The following ADGRV1 variants were observed in gnomAD, a reference collection of about 807,000 sequenced individuals.
ADGRV1 encodes the protein adhesion G protein-coupled receptor V1, also known as G-protein coupled receptor 98.
A neutral mutation model predicts 596.2 loss-of-function variants in ADGRV1; 359 were observed. That is an observed-to-expected ratio of 0.60 (90% CI 0.55 to 0.66). The LOEUF (loss-of-function observed/expected upper bound fraction) is 0.66, where lower values mean the gene tolerates loss of function less well. Among genes scored for constraint, ADGRV1 ranks in the 30% least tolerant of loss-of-function variants. ADGRV1 has a pLI of 0.00. For synonymous variants in ADGRV1, 2,681 were observed against 2,679.2 expected (o/e 1.00, Z -0.02); for missense variants, 7,274 against 7,575.6 (o/e 0.96, Z 1.48).
intron 45 of ADGRV1, among the ~76,000 whole-genome samples, chr5:90,722,826 T>C (rs1018271680): frequency 5.5e-5 from 8 of 144,406 alleles, no homozygotes; most frequent in African/African-American, 1.8e-4. Context: ...TGGAAATTGA[T>C]GTAATAATCT....
chr5:90,569,006 A>G (rs1580295857), intron 1 of ADGRV1, among the ~76,000 whole-genome samples: 1 of 152,192 alleles, frequency 6.6e-6, no homozygotes, highest in Admixed American at 6.5e-5. Flanking sequence ...TGGAGGCTGG[A>G]AAGTCCAAGA....
chr5:90,817,619 G>A (rs1198019151), intron 75 of ADGRV1, among the ~76,000 whole-genome samples: 3 of 150,960 alleles, frequency 2.0e-5, no homozygotes, highest in African/African-American at 7.3e-5. Flanking sequence ...TCCAGTTTCA[G>A]CTTTCTACAT....
Position 90,716,609 on chromosome 5 carries a change from A to G in ADGRV1, c.9327A>G (p.Gln3109=). ...TGTACATTGTTCGGGAACCTGCACA[A>G]GGATTGTTTGGAACAGTGACAGTTC... The part of the protein sequence containing the change: ...AVLYIVREPA[Q]GLFGTVTVQF... Residue 3109 remains glutamine (Q), a synonymous_variant, in exon 43 of 90, where the codon CAA becomes CAG. Coordinates refer to ENST00000405460, the MANE Select transcript of ADGRV1 (RefSeq NM_032119.4). 3 of 1,613,898 alleles carry G rather than the reference A, an allele frequency of 1.9e-6. No individual in the cohort carries two copies. Among genetic ancestry groups the G allele is most frequent in the Non-Finnish European group, 2.5e-6 (3 of 1,179,812 alleles).
At chr5:91,022,574 C>A (rs998788) in intron 85 of ADGRV1, among the ~76,000 whole-genome samples, 95,047 of 151,918 alleles carry the variant, frequency 0.63, 29,773 homozygotes, top group Admixed American at 0.64. Context: ...GTTCTAGATA[C>A]ATTTGTAGTC....
chr5:90,856,563 A>G (rs942925105), intron 82 of ADGRV1, among the ~76,000 whole-genome samples: 1 of 152,120 alleles, frequency 6.6e-6, no homozygotes, highest in African/African-American at 2.4e-5. Context: ...ATAATTCTAT[A>G]CCCCACCCTC....
chr5:91,071,406 A>C (rs1450355995), intron 85 of ADGRV1, among the ~76,000 whole-genome samples: 3 of 152,102 alleles, frequency 2.0e-5, no homozygotes, highest in African/African-American at 7.2e-5. Context: ...TCCACCAACT[A>C]ATTTGAAACA....
intron 1 of ADGRV1, among the ~76,000 whole-genome samples, chr5:90,612,781 T>C (rs1427212412): frequency 1.3e-5 from 2 of 152,190 alleles, no homozygotes; most frequent in East Asian, 1.9e-4. Flanking sequence ...TTCGCACATA[T>C]AGCATTGAAA....
At chr5:90,985,607 AC>A in intron 85 of ADGRV1, 85 bp downstream of exon 85, 1 of 961,772 alleles carries the variant, frequency 1.0e-6, no homozygotes, top group Non-Finnish European at 1.6e-6. Context: ...TTGAATAAGT[AC>A]CAGGAAGATC....
At chr5:90,808,145 C>CT (rs1762085628) in intron 73 of ADGRV1, among the ~76,000 whole-genome samples, 1 of 152,182 alleles carries the variant, frequency 6.6e-6, no homozygotes. Flanking sequence ...ACCAGTGGCC[C>CT]TTTGACTTTA....
intron 85 of ADGRV1, among the ~76,000 whole-genome samples, chr5:91,028,732 G>GTTTTTTTTTTTTTTTTTTTTTTTT: frequency 1.0e-5 from 1 of 95,912 alleles, no homozygotes; most frequent in Non-Finnish European, 1.9e-5. Flanking sequence ...ACTAGACTCT[G>GTTTTTTTTTTTTTTTTTTTTTTTT]TTTTTTTTTT....
At chr5:90,668,713 A>G (rs1580672611) in intron 21 of ADGRV1, among the ~76,000 whole-genome samples, 1 of 152,146 alleles carries the variant, frequency 6.6e-6, no homozygotes, top group Non-Finnish European at 1.5e-5. Context: ...ATTGTACAAA[A>G]TATTCATTAA....
chr5:90,780,699 T>C (rs911831488), intron 64 of ADGRV1, among the ~76,000 whole-genome samples: 1 of 152,148 alleles, frequency 6.6e-6, no homozygotes, highest in Non-Finnish European at 1.5e-5. Flanking sequence ...TTTCTTTTTC[T>C]TTCTTTCCCT....
At chr5:91,160,303 T>A (rs1199233606) in intron 89 of ADGRV1, among the ~76,000 whole-genome samples, 2 of 152,112 alleles carry the variant, frequency 1.3e-5, no homozygotes, top group Non-Finnish European at 2.9e-5. Flanking sequence ...TGCAGCCCAG[T>A]GTAGTAAACA....
At chr5:90,936,453 G>A (rs1775697792) in intron 83 of ADGRV1, among the ~76,000 whole-genome samples, 1 of 151,848 alleles carries the variant, frequency 6.6e-6, no homozygotes, top group South Asian at 2.1e-4. Context: ...TAAAATGCGT[G>A]CCTTTTTTCT....
intron 85 of ADGRV1, among the ~76,000 whole-genome samples, chr5:91,012,315 A>G (rs1012243104): frequency 6.6e-6 from 1 of 151,968 alleles, no homozygotes; most frequent in Non-Finnish European, 1.5e-5. Context: ...TCCCCATTGA[A>G]CAACTTACGC....
At chr5:90,733,635 G>A (rs1408583864) in intron 50 of ADGRV1, among the ~76,000 whole-genome samples, 1 of 151,964 alleles carries the variant, frequency 6.6e-6, no homozygotes, top group African/African-American at 2.4e-5. Flanking sequence ...GGTTATTTAT[G>A]TCTAACTTTT....
chr5:90,745,077 T>C lies in ADGRV1; in HGVS notation c.10581T>C (p.Ser3527=), dbSNP rs779323092. 14 of 1,613,682 alleles carry C rather than the reference T, an allele frequency of 8.7e-6. No homozygotes were observed. The highest frequency in any genetic ancestry group is 1.2e-5 in the Non-Finnish European group (14 of 1,179,760). Residue 3527 remains serine, a synonymous_variant, in exon 51 of 90, where the codon TCT becomes TCC. Transcript: ENST00000405460. ...TACTTCTTATTGGCCAAGATATGTC[T>C]GCTCTTTACTGCTGGAATTCGGAGC... is the stretch of plus-strand genomic sequence containing the variant. The part of the protein sequence containing the change: ...AHILLIGQDM[S]ALYCWNSERN...
intron 83 of ADGRV1, among the ~76,000 whole-genome samples, chr5:90,882,394 T>C (rs1581410344): frequency 6.6e-6 from 1 of 152,348 alleles, no homozygotes; most frequent in African/African-American, 2.4e-5. Context: ...TAATTCCTAT[T>C]TCCTGATGTG....
At chr5:90,741,898 A>G (rs1052573948) in intron 50 of ADGRV1, among the ~76,000 whole-genome samples, 14 of 152,230 alleles carry the variant, frequency 9.2e-5, no homozygotes, top group African/African-American at 3.4e-4. Flanking sequence ...TTGGAGCTAT[A>G]ACCATGAGGA....
Sources: gnomAD v4.1 joint callset for allele counts (sites outside exome capture counted in the v4.1 genomes callset) on GRCh38, gnomAD v4.1.1 for gene constraint, MANE v1.5 for transcripts, NCBI Gene and HGNC (gene_info 2026-07-23, HGNC 2026-07-21) for gene names.